Variants in MACF1 observed in about 807,000 individuals in gnomAD.
The protein encoded by MACF1 is microtubule actin crosslinking factor 1, also known as microtubule-actin cross-linking factor 1.
MACF1 carries 193 observed loss-of-function variants against 854.8 expected under a neutral mutation model. The observed-to-expected ratio is 0.23, with a 90% CI of 0.20 to 0.25. The LOEUF (loss-of-function observed/expected upper bound fraction) is 0.25, where lower values mean the gene tolerates loss of function less well. Among genes scored for constraint, MACF1 ranks in the 10% least tolerant of loss-of-function variants. MACF1 has a pLI of 1.00. For synonymous variants in MACF1, 3,185 were observed against 3,226.7 expected, an observed-to-expected ratio of 0.99 and a Z score of 0.44; for missense variants, 7,722 against 8,929.1, an observed-to-expected ratio of 0.86 and a Z score of 5.45.
In MACF1 at chr1:39,340,694, C is replaced by T; in HGVS notation, c.10408C>T (p.Gln3470Ter). Residue 3470 changes from glutamine (Q) to a stop codon, truncating the protein, a stop_gained, in exon 39 of 101, where the codon CAG (glutamine) becomes TAG (stop). Transcript: ENST00000564288. LOFTEE classifies it high-confidence loss of function. ...DTWNSRLLHFQNAVEIEKTKV... is the reference protein window; with the variant it reads ...DTWNSRLLHF ...TTGGAATTCCAGGCTACTCCACTTC[C>T]AGAATGCTGTGGAAATAGAAAAGGT... The T allele has an allele frequency of 6.2e-7, 1 of 1,614,128 alleles. No individual in the cohort carries two copies.
At chr1:39,133,678 C>G (rs1374180829) in intron 2 of MACF1, among the ~76,000 whole-genome samples, 3 of 152,078 alleles carry the variant, frequency 2.0e-5, no homozygotes, top group Non-Finnish European at 4.4e-5. Context: ...ATGATTAAAT[C>G]AAGCTAGTTA....
chr1:39,192,183 G>T (rs1366223362), intron 2 of MACF1, among the ~76,000 whole-genome samples: 1 of 152,038 alleles, frequency 6.6e-6, no homozygotes, highest in Middle Eastern at 3.2e-3. Flanking sequence ...CTTAAAAATG[G>T]TTACCCAGAT....
chr1:39,357,679 C>T lies in MACF1; in HGVS notation c.11729C>T (p.Pro3910Leu), dbSNP rs746832796. The change falls in exon 45 of 101, where the codon CCC becomes CTC. Residue 3910 changes from proline to leucine, a missense_variant. Transcript: ENST00000564288. ...AACATGCATAAGGGAGGCAGCAGCC[C>T]CGAGACCCTTCCCTCCCTGCTAAAG... Reference protein sequence around the residue: ...LENMHKGGSSPETLPSLLKRQ... With the variant: ...LENMHKGGSSLETLPSLLKRQ... 2 of 1,614,076 alleles carry T rather than the reference C, an allele frequency of 1.2e-6. No homozygotes were observed. The highest frequency in any genetic ancestry group is 2.2e-5 in the South Asian group (2 of 91,074).
intron 6 of MACF1, among the ~76,000 whole-genome samples, chr1:39,270,979 T>C (rs1228497035): frequency 6.6e-6 from 1 of 152,106 alleles, no homozygotes; most frequent in Admixed American, 6.5e-5. Flanking sequence ...AAAGTGGCCA[T>C]TGAAAAAATA....
intron 2 of MACF1, among the ~76,000 whole-genome samples, chr1:39,182,601 A>C (rs1200857965): frequency 6.6e-6 from 1 of 152,220 alleles, no homozygotes; most frequent in Non-Finnish European, 1.5e-5. Context: ...GCACATGAAA[A>C]GATGCTTAGA....
chr1:39,316,448 A>C lies in MACF1; in HGVS notation c.3507A>C (p.Lys1169Asn). Residue 1169 changes from lysine to asparagine, a missense_variant, in exon 28 of 101, where the codon AAA becomes AAC. By Grantham distance (94) the Lys-to-Asn change is moderately conservative (BLOSUM62 0). Around this residue, in one of 15 missense-constraint regions of MACF1, gnomAD observed 1,137 missense variants for 1,263.0 expected, o/e 0.90. Transcript: ENST00000564288. Reference sequence around the variant, plus strand: ...TACAGGATGCTGAACTCTTGGTCAAAGGTTATGAGATTAAGCTGAGTCAAG... The same window carrying C: ...TACAGGATGCTGAACTCTTGGTCAACGGTTATGAGATTAAGCTGAGTCAAG... ...RSIQDAELLV[K>N]GYEIKLSQEE... 1 of 1,614,026 alleles carries C rather than the reference A, an allele frequency of 6.2e-7. No homozygotes were observed. Among genetic ancestry groups the C allele is most frequent in the Non-Finnish European group, 8.5e-7 (1 of 1,179,912 alleles).
At chr1:39,269,476 C>T (rs1211007858) in intron 6 of MACF1, 5 of 1,289,702 alleles carry the variant, frequency 3.9e-6, no homozygotes, top group South Asian at 1.2e-5. Context: ...CGCACGGAGC[C>T]TTCCCATGTG....
intron 58 of MACF1, chr1:39,414,610 G>C: frequency 2.9e-6 from 4 of 1,367,800 alleles, no homozygotes; most frequent in Non-Finnish European, 4.0e-6. Flanking sequence ...ATAGTTTGTA[G>C]TCTTTCTGTT....
At chr1:39,458,903 G>A (rs1037593023) in intron 90 of MACF1, 183 bp from the exon 91 acceptor site, 23 of 596,534 alleles carry the variant, frequency 3.9e-5, no homozygotes, top group Non-Finnish European at 5.8e-5. Flanking sequence ...GTAAGTATGT[G>A]CTGGGAGGAT....
intron 6 of MACF1, among the ~76,000 whole-genome samples, chr1:39,273,199 C>T (rs530967744): frequency 3.5e-5 from 5 of 144,084 alleles, no homozygotes; most frequent in African/African-American, 1.3e-4. Flanking sequence ...TGCAGTGGTG[C>T]GATCTCGGCT....
chr1:39,272,292 C>T (rs1387163008), intron 6 of MACF1, among the ~76,000 whole-genome samples: 1 of 152,214 alleles, frequency 6.6e-6, no homozygotes, highest in Non-Finnish European at 1.5e-5. Flanking sequence ...CTTCAGGGAG[C>T]TGCTCCCCTC....
intron 58 of MACF1, among the ~76,000 whole-genome samples, chr1:39,419,392 G>A (rs1643445122): frequency 6.6e-6 from 1 of 152,158 alleles, no homozygotes; most frequent in African/African-American, 2.4e-5. Flanking sequence ...AATGCAAAAT[G>A]CTCCCAAGTC....
chr1:39,191,150 A>G (rs1366202430), intron 2 of MACF1, among the ~76,000 whole-genome samples: 1 of 152,014 alleles, frequency 6.6e-6, no homozygotes, highest in Non-Finnish European at 1.5e-5. Context: ...TTTTTAAGAA[A>G]ATTTTAAAAA....
At chr1:39,192,233 A>G (rs1436262793) in intron 2 of MACF1, among the ~76,000 whole-genome samples, 1 of 152,100 alleles carries the variant, frequency 6.6e-6, no homozygotes, top group Non-Finnish European at 1.5e-5. Context: ...AGCTGGGAGG[A>G]TGCACGCTGG....
chr1:39,433,020 C>A, intron 67 of MACF1, 28 bp from the exon 68 acceptor site: 1 of 1,414,504 alleles, frequency 7.1e-7, no homozygotes, highest in Non-Finnish European at 9.9e-7. Context: ...GGTCTTTTTA[C>A]TTCTTAACTA....
rs143259429 is a variant in MACF1, at chr1:39,340,681, G to C, written c.10395G>C (p.Arg3465Ser). 1.7e-5 allele frequency: 27 copies of C among 1,614,024 alleles called. No homozygotes were observed. Among genetic ancestry groups the C allele is most frequent in the African/African-American group, 5.3e-5 (4 of 74,918 alleles). The change falls in exon 39 of 101, where the codon AGG (arginine) becomes AGC (serine). Residue 3465 changes from arginine (R) to serine (S), a missense_variant. Coordinates refer to ENST00000564288, the MANE Select transcript of MACF1 (RefSeq NM_001394062.1). ...CTGTGAGTGACACTTGGAATTCCAGGCTACTCCACTTCCAGAATGCTGTGG... is the reference window on the plus strand; with the variant it reads ...CTGTGAGTGACACTTGGAATTCCAGCCTACTCCACTTCCAGAATGCTGTGG... Reference protein sequence around the residue: ...LSSVSDTWNSRLLHFQNAVEI... With the variant: ...LSSVSDTWNSSLLHFQNAVEI...
Position 39,333,607 on chromosome 1 carries a change from C to T in MACF1, c.7019C>T (p.Thr2340Ile). 1 of 1,614,190 alleles carries T rather than the reference C, an allele frequency of 6.2e-7. No individual in the cohort carries two copies. The highest frequency in any genetic ancestry group is 8.5e-7 in the Non-Finnish European group (1 of 1,180,032). Residue 2340 changes from threonine (T) to isoleucine (I), a missense_variant, in exon 37 of 101, where the codon ACT becomes ATT. Transcript: ENST00000564288. ...TTTCAGGGGTTCTTTGACTCTCAGACTTGTGAGTCTTTGACAACTGAAGAA... is the reference window on the plus strand; with the variant it reads ...TTTCAGGGGTTCTTTGACTCTCAGATTTGTGAGTCTTTGACAACTGAAGAA... The part of the protein sequence containing the change: ...NMFQGFFDSQ[T>I]CESLTTEEVI...
Position 39,333,264 on chromosome 1 carries a change from A to C in MACF1, c.6676A>C (p.Lys2226Gln), listed in dbSNP as rs769889214. 3.3e-5 allele frequency: 54 copies of C among 1,613,978 alleles called. No individual in the cohort carries two copies. Among genetic ancestry groups the C allele is most frequent in the Non-Finnish European group, 4.2e-5 (49 of 1,180,040 alleles). The change falls in exon 37 of 101, where the codon AAA becomes CAA. Residue 2226 changes from lysine to glutamine, a missense_variant. By Grantham distance (53) the Lys-to-Gln change is moderately conservative. Transcript: ENST00000564288. Reference sequence around the variant, plus strand: ...TGATGGGAATGTTCATCCTCTGGACAAAAAGGAAATGTTAAAGAAAACATT... The same window carrying C: ...TGATGGGAATGTTCATCCTCTGGACCAAAAGGAAATGTTAAAGAAAACATT... The part of the protein sequence containing the change: ...ETDGNVHPLD[K>Q]KEMLKKTFLA...
At chr1:39,427,386 A>G in intron 61 of MACF1, 69 bp from the exon 62 acceptor site, 1 of 1,298,078 alleles carries the variant, frequency 7.7e-7, no homozygotes, top group Non-Finnish European at 1.1e-6. Flanking sequence ...TCTTTTACTG[A>G]GTATAGTACT....
Sources: allele counts gnomAD v4.1 joint callset (sites outside exome capture counted in the v4.1 genomes callset), GRCh38; gene constraint gnomAD v4.1.1; regional missense constraint gnomAD v4.1.1; transcripts MANE v1.5; gene names NCBI Gene and HGNC (gene_info 2026-07-23, HGNC 2026-07-21).